Variants in TASP1 observed in about 807,000 individuals in gnomAD.
The protein encoded by TASP1 is taspase 1.
TASP1 carries 16 observed loss-of-function variants against 56.6 expected under a neutral mutation model. That is an observed-to-expected ratio of 0.28 (90% CI 0.19 to 0.43). The LOEUF (loss-of-function observed/expected upper bound fraction) is 0.43. Ranked by LOEUF, TASP1 falls within the 20% of genes least tolerant of loss-of-function variation. TASP1 has a pLI of 1.00. For missense variants in TASP1, 393 were observed against 511.6 expected (o/e 0.77, Z 2.24); for synonymous variants, 179 against 184.2 (o/e 0.97, Z 0.23).
At chr20:13,590,805 G>A (rs1363499036) in intron 4 of TASP1, among the ~76,000 whole-genome samples, 2 of 151,972 alleles carry the variant, frequency 1.3e-5, no homozygotes, top group Non-Finnish European at 2.9e-5. Context: ...GGTGGAGGCT[G>A]CAGTGAGCTG....
the TASP1 span, chr20:13,165,188 A>C: frequency 4.7e-6 from 1 of 214,342 alleles, no homozygotes; most frequent in Non-Finnish European, 9.3e-6. Flanking sequence ...CCTTTCAGGG[A>C]TTCCAACCAA....
At chr20:13,544,565 T>A (rs969281041) in intron 8 of TASP1, among the ~76,000 whole-genome samples, 1 of 152,192 alleles carries the variant, frequency 6.6e-6, no homozygotes, top group East Asian at 1.9e-4. Context: ...ACATACCGAC[T>A]AATAGGATAT....
At chr20:13,472,256 G>A (rs989336354) in intron 11 of TASP1, among the ~76,000 whole-genome samples, 10 of 150,752 alleles carry the variant, frequency 6.6e-5, no homozygotes, top group African/African-American at 1.7e-4. Flanking sequence ...TTTAATAAAC[G>A]GTGCTGGGAA....
At chr20:13,487,963 C>G (rs2043387446) in intron 10 of TASP1, among the ~76,000 whole-genome samples, 2 of 152,038 alleles carry the variant, frequency 1.3e-5, no homozygotes, top group African/African-American at 2.4e-5. Flanking sequence ...ATTTGGCCCA[C>G]AGGTCATTGT....
chr20:13,213,571 A>C, the TASP1 span, among the ~76,000 whole-genome samples: 1 of 152,210 alleles, frequency 6.6e-6, no homozygotes, highest in Non-Finnish European at 1.5e-5. Flanking sequence ...TGATGTTGAC[A>C]AACAACTTGG....
chr20:13,521,063 A>G (rs1383247107), intron 10 of TASP1, among the ~76,000 whole-genome samples: 2 of 152,216 alleles, frequency 1.3e-5, no homozygotes, highest in Admixed American at 1.3e-4. Flanking sequence ...ACGTATCAAA[A>G]CCACAATGAG....
intron 4 of TASP1, among the ~76,000 whole-genome samples, chr20:13,609,892 A>C (rs2048292895): frequency 6.6e-6 from 1 of 152,214 alleles, no homozygotes; most frequent in Non-Finnish European, 1.5e-5. Flanking sequence ...GGAATGAAAC[A>C]AACTGTGATA....
chr20:13,335,324 G>GCACA, the TASP1 span, among the ~76,000 whole-genome samples: 1,772 of 141,612 alleles, frequency 0.013, 11 homozygotes, highest in African/African-American at 0.014. Flanking sequence ...CCTCACCTAT[G>GCACA]CACACACACA....
intron 4 of TASP1, among the ~76,000 whole-genome samples, chr20:13,590,729 G>A (rs530090364): frequency 2.6e-5 from 4 of 152,138 alleles, no homozygotes; most frequent in Admixed American, 6.5e-5. Context: ...AGCTGGGCAT[G>A]GTGGTGCTCA....
At chr20:13,493,134 C>G (rs1370469698) in intron 10 of TASP1, among the ~76,000 whole-genome samples, 3 of 151,804 alleles carry the variant, frequency 2.0e-5, no homozygotes, top group African/African-American at 4.9e-5. Context: ...AGATTAAAAC[C>G]TTTTTGAAAA....
chr20:13,438,892 G>A (rs2043112667), intron 11 of TASP1, among the ~76,000 whole-genome samples: 1 of 152,084 alleles, frequency 6.6e-6, no homozygotes, highest in Non-Finnish European at 1.5e-5. Flanking sequence ...GCAGCCAAAA[G>A]ACACATGAAA....
chr20:13,435,201 T>G (rs769723610), intron 11 of TASP1, 47 bp from the exon 12 acceptor site: 33 of 1,387,256 alleles, frequency 2.4e-5, no homozygotes, highest in Non-Finnish European at 8.8e-6. Context: ...TTTTACTTTT[T>G]AAATTTTCAA....
intron 10 of TASP1, among the ~76,000 whole-genome samples, chr20:13,513,425 A>T (rs926823650): frequency 1.3e-5 from 2 of 151,958 alleles, no homozygotes; most frequent in African/African-American, 4.8e-5. Context: ...AGGGAGAGAG[A>T]CAGAAGGCAG....
the TASP1 span, among the ~76,000 whole-genome samples, chr20:13,142,853 C>G: frequency 1.3e-5 from 2 of 152,160 alleles, no homozygotes; most frequent in Non-Finnish European, 2.9e-5. Flanking sequence ...CTCATGAGGG[C>G]CCCTCCATCT....
the TASP1 span, among the ~76,000 whole-genome samples, chr20:13,266,092 C>T: frequency 6.6e-6 from 1 of 152,178 alleles, no homozygotes; most frequent in Non-Finnish European, 1.5e-5. Context: ...GAACCTTCCA[C>T]TTACTCCTCA....
the TASP1 span, among the ~76,000 whole-genome samples, chr20:13,358,609 A>G: frequency 6.6e-6 from 1 of 151,948 alleles, no homozygotes; most frequent in Non-Finnish European, 1.5e-5. Context: ...GACAAAGGAC[A>G]CACGTTTTAT....
intron 13 of TASP1, among the ~76,000 whole-genome samples, chr20:13,397,815 T>C (rs1019826110): frequency 5.3e-5 from 8 of 152,188 alleles, no homozygotes; most frequent in Non-Finnish European, 1.0e-4. Context: ...AACTCAATTA[T>C]ATTCAGAGTT....
chr20:13,511,456 C>T (rs2044322838), intron 10 of TASP1, among the ~76,000 whole-genome samples: 2 of 152,004 alleles, frequency 1.3e-5, no homozygotes, highest in South Asian at 2.1e-4. Flanking sequence ...CTGTAATTTC[C>T]GTTAACTGCA....
At chr20:13,370,786 C>A in the TASP1 span, among the ~76,000 whole-genome samples, 1 of 152,240 alleles carries the variant, frequency 6.6e-6, no homozygotes, top group East Asian at 1.9e-4. Flanking sequence ...ACCAGTGTAA[C>A]CATCTAGTAC....
Sources: gnomAD v4.1 joint callset for allele counts (sites outside exome capture counted in the v4.1 genomes callset) on GRCh38, gnomAD v4.1.1 for gene constraint, MANE v1.5 for transcripts, NCBI Gene and HGNC (gene_info 2026-07-23, HGNC 2026-07-21) for gene names.